The following PIGN variants were observed in gnomAD, a reference collection of about 807,000 sequenced individuals.
PIGN encodes phosphatidylinositol glycan anchor biosynthesis class N.
PIGN carries 117 observed loss-of-function variants against 125.4 expected under a neutral mutation model. That is an observed-to-expected ratio of 0.93 (90% CI 0.80 to 1.09). PIGN has a LOEUF of 1.09. PIGN is among the 50% of genes least tolerant of loss of function. The pLI is 0.00. For missense variants in PIGN, 1,075 were observed against 1,094.9 expected (o/e 0.98, Z 0.26); for synonymous variants, 392 against 377.8 (o/e 1.04, Z -0.44).
chr18:62,133,465 A>G (rs2079228743), intron 14 of PIGN, among the ~76,000 whole-genome samples: 1 of 152,192 alleles, frequency 6.6e-6, no homozygotes, highest in African/African-American at 2.4e-5. Context: ...TAATTAAGCT[A>G]TTCTTGAGAA....
chr18:62,032,166 T>C lies in PIGN; in HGVS notation c.2143-14425A>G, dbSNP rs1383459912. Reference sequence around the variant, plus strand: ...CATCCTTCATTGTATCTGCAGCGACTCCTTTTTTCCTAATAAGGTCACATT... The same window carrying C: ...CATCCTTCATTGTATCTGCAGCGACCCCTTTTTTCCTAATAAGGTCACATT... On this transcript the variant is annotated intron_variant, in intron 23 of 24. Coordinates refer to the PIGN transcript ENST00000639600. Among the ~76,000 whole-genome samples, 4 of 152,218 alleles carry C rather than the reference T, an allele frequency of 2.6e-5. No homozygotes were observed. In the East Asian group the frequency reaches 7.7e-4, roughly 29 times the overall value.
At chr18:62,163,705 T>G (rs2037034016) in intron 1 of PIGN, 49 bp from the exon 2 acceptor site, 1 of 152,204 alleles carries the variant, frequency 6.6e-6, no homozygotes, top group African/African-American at 2.4e-5. Flanking sequence ...ACATAACATT[T>G]ACCATTTTAG....
chr18:62,104,476 T>C (rs72941808), intron 20 of PIGN, among the ~76,000 whole-genome samples: 149 of 152,330 alleles, frequency 9.8e-4, no homozygotes, highest in African/African-American at 3.4e-3. Context: ...TTTTGTCATA[T>C]ACTATTTATA....
At chr18:62,090,120 A>C (rs2033888624) in intron 24 of PIGN, among the ~76,000 whole-genome samples, 1 of 152,168 alleles carries the variant, frequency 6.6e-6, no homozygotes, top group Non-Finnish European at 1.5e-5. Flanking sequence ...CAACATTAAA[A>C]TTCTTCCAAG....
At chr18:62,133,378 T>A (rs1054562682) in intron 14 of PIGN, among the ~76,000 whole-genome samples, 1 of 152,202 alleles carries the variant, frequency 6.6e-6, no homozygotes, top group Non-Finnish European at 1.5e-5. Context: ...CTACATTTTT[T>A]AGAGTTATAA....
At chr18:62,073,193 G>GTA (rs1568144124) in intron 29 of PIGN, among the ~76,000 whole-genome samples, 1 of 151,332 alleles carries the variant, frequency 6.6e-6, no homozygotes, top group African/African-American at 2.4e-5. Context: ...GTGTGTGTGT[G>GTA]TGTGTGTGTG....
At chr18:62,084,696 C>G in intron 26 of PIGN, 90 bp from the exon 27 acceptor site, 1 of 836,130 alleles carries the variant, frequency 1.2e-6, no homozygotes, top group Non-Finnish European at 2.0e-6. Flanking sequence ...AACTAATTCT[C>G]TGAAATCTAC....
At chr18:62,110,633 A>T (rs953223037) in intron 16 of PIGN, among the ~76,000 whole-genome samples, 2 of 152,076 alleles carry the variant, frequency 1.3e-5, no homozygotes, top group Non-Finnish European at 2.9e-5. Context: ...AGGGTTCCCT[A>T]AAGGAGAAAT....
chr18:62,055,912 TAATC>T (rs1457084849), intron 30 of PIGN, among the ~76,000 whole-genome samples: 6 of 151,556 alleles, frequency 4.0e-5, no homozygotes, highest in South Asian at 2.1e-4. Context: ...TATAGGCACT[TAATC>T]AATATTTGTT....
chr18:62,084,577 A>G lies in PIGN; in HGVS notation c.2456T>C (p.Leu819Pro). 1 of 1,558,886 alleles carries G rather than the reference A, an allele frequency of 6.4e-7. No homozygotes were observed. Among genetic ancestry groups the G allele is most frequent in the Non-Finnish European group, 8.7e-7 (1 of 1,149,844 alleles). The stretch of plus-strand genomic sequence containing the variant: ...CATCATAAAAGGACTGAACACAGTC[A>G]GAAAGCAATAGACAGAGGCAAGATC... ...SFDLASVYCF[L>P]TVFSPFMMGA... The change falls in exon 27 of 31, where the codon CTG (leucine) becomes CCG (proline). Residue 819 changes from leucine (L) to proline (P), a missense_variant. Around this residue, in one of 3 missense-constraint regions of PIGN, gnomAD observed 915 missense variants for 908.7 expected, o/e 1.01. Coordinates refer to ENST00000640252, the MANE Select transcript of PIGN (RefSeq NM_176787.5).
In PIGN at chr18:62,175,002, CATGA is replaced by C. The variant is rs1241831364; in HGVS notation, c.-235-11350_-235-11347del. 2.0e-5 allele frequency among the ~76,000 whole-genome samples: 3 copies of C among 147,404 alleles called. No homozygotes were observed. In the East Asian group the frequency reaches 5.9e-4, roughly 29 times the overall value. ...CAGACTCACAGTGTTCACTACTAAA[CATGA>C]ATGACATAAACATTATATATATTAG... On this transcript the variant is annotated intron_variant, in intron 1 of 30. Coordinates refer to ENST00000640252, the MANE Select transcript of PIGN (RefSeq NM_176787.5).
At chr18:62,071,358 C>T (rs1404710653) in intron 30 of PIGN, among the ~76,000 whole-genome samples, 1 of 152,182 alleles carries the variant, frequency 6.6e-6, no homozygotes, top group Non-Finnish European at 1.5e-5. Context: ...TCTCTCTAGA[C>T]TTAACATCTA....
At chr18:62,086,863 T>C (rs1183614606) in intron 25 of PIGN, among the ~76,000 whole-genome samples, 1 of 148,818 alleles carries the variant, frequency 6.7e-6, no homozygotes, top group Non-Finnish European at 1.5e-5. Context: ...ACAGGGACTT[T>C]AGAAGTGGAC....
At chr18:62,023,498 C>T (rs1055462042) in intron 23 of PIGN, among the ~76,000 whole-genome samples, 4 of 152,308 alleles carry the variant, frequency 2.6e-5, no homozygotes, top group African/African-American at 9.6e-5. Flanking sequence ...AATCACTTTC[C>T]TCATTTCTGT....
At chr18:62,071,653 C>T (rs575384572) in intron 30 of PIGN, among the ~76,000 whole-genome samples, 23 of 151,850 alleles carry the variant, frequency 1.5e-4, no homozygotes, top group Non-Finnish European at 1.9e-4. Flanking sequence ...CTAGTGATAG[C>T]GCAGTGTCTT....
At chr18:62,168,948 C>G (rs2037253745) in intron 1 of PIGN, among the ~76,000 whole-genome samples, 1 of 151,772 alleles carries the variant, frequency 6.6e-6, no homozygotes. Context: ...CTCCGCCTCC[C>G]AGGTTCAAGC....
intron 7 of PIGN, chr18:62,154,064 C>G (rs1236715142): frequency 6.5e-6 from 1 of 154,520 alleles, no homozygotes; most frequent in Non-Finnish European, 1.4e-5. Context: ...TTAAAGGAAC[C>G]ATAGATTTTT....
At chr18:62,073,206 AG>A (rs1006104283) in intron 29 of PIGN, among the ~76,000 whole-genome samples, 2 of 112,800 alleles carry the variant, frequency 1.8e-5, no homozygotes, top group African/African-American at 6.8e-5. Flanking sequence ...TGTGTGTGTA[AG>A]GGGGGGATGG....
chr18:62,169,522 C>A (rs1388966486), intron 1 of PIGN, among the ~76,000 whole-genome samples: 1 of 152,052 alleles, frequency 6.6e-6, no homozygotes, highest in East Asian at 1.9e-4. Flanking sequence ...GCCTTGGACT[C>A]CCAAAGTGCT....
Sources: gnomAD v4.1 joint callset for allele counts (sites outside exome capture counted in the v4.1 genomes callset) on GRCh38, gnomAD v4.1.1 for gene constraint, gnomAD v4.1.1 regional missense constraint, MANE v1.5 for transcripts, NCBI Gene and HGNC (gene_info 2026-07-23, HGNC 2026-07-21) for gene names.